The following GOLPH3 variants were observed in gnomAD, a reference collection of about 807,000 sequenced individuals.
GOLPH3 encodes the protein coat protein GPP34.
Under a neutral mutation model 28.5 loss-of-function variants are expected in GOLPH3, and 14 were observed. The ratio of observed to expected loss-of-function variants is 0.49; its 90% CI spans 0.32 to 0.77. The LOEUF is 0.77. GOLPH3 is among the 30% of genes least tolerant of loss of function. GOLPH3 has a pLI of 0.03. For missense variants in GOLPH3, 350 were observed against 393.7 expected (o/e 0.89, Z 0.94); for synonymous variants, 158 against 159.2 (o/e 0.99, Z 0.06).
intron 2 of GOLPH3, among the ~76,000 whole-genome samples, chr5:32,140,033 G>C (rs953172061): frequency 1.3e-5 from 2 of 152,036 alleles, no homozygotes; most frequent in African/African-American, 4.8e-5. Flanking sequence ...GAGGGCAAAA[G>C]ATATCAGAAA....
intron 1 of GOLPH3, among the ~76,000 whole-genome samples, chr5:32,158,019 A>AAAT (rs1554049244): frequency 0.046 from 1,058 of 23,196 alleles, 118 homozygotes; most frequent in African/African-American, 0.11. Flanking sequence ...ATAAATAAAT[A>AAAT]AAATACACAC....
At position 32,143,886 on chromosome 5, in the gene GOLPH3, A is replaced by T. The variant is rs759961282; in HGVS notation, c.226-6T>A. The T allele has an allele frequency of 2.6e-5, 39 of 1,501,594 alleles. 1 individual carries two copies. Among genetic ancestry groups the T allele is most frequent in the Admixed American group, 5.2e-5 (2 of 38,480 alleles). The allele number at this position is 1,501,594 out of a possible 1,614,324, so 93.0% of individuals were successfully genotyped here. On this transcript the variant is annotated splice_region_variant and splice_polypyrimidine_tract_variant and intron_variant, in intron 1 of 3. Coordinates refer to ENST00000265070, the MANE Select transcript of GOLPH3 (RefSeq NM_022130.4). ...TTCCAAAATGATGTGTAACCCTATT[A>T]AAAAAAGAAGAAGAAATAAAACAAA...
chr5:32,163,270 TA>T (rs1309778575), intron 1 of GOLPH3, among the ~76,000 whole-genome samples: 17 of 152,216 alleles, frequency 1.1e-4, no homozygotes, highest in Non-Finnish European at 2.9e-5. Context: ...CATACTCCCA[TA>T]AAAGTTAGTA....
chr5:32,174,007 C>T lies in GOLPH3; in HGVS notation c.28G>A (p.Gly10Ser), dbSNP rs1746916365. 8 of 1,321,638 alleles carry T rather than the reference C, an allele frequency of 6.1e-6. No homozygotes were observed. The highest frequency in any genetic ancestry group is 7.7e-6 in the Non-Finnish European group (8 of 1,045,682). The allele number at this position is 1,321,638 out of a possible 1,614,324, so 81.9% of individuals were successfully genotyped here. The stretch of plus-strand genomic sequence containing the variant: ...GCCTCGGTGCGCCGCTGCACCAGGC[C>T]GGAGCTGCGCTGGGTCAGCGAGGTC... Reference protein sequence around the residue: MTSLTQRSSGLVQRRTEASR... With the variant: MTSLTQRSSSLVQRRTEASR... Residue 10 changes from glycine to serine, a missense_variant, in exon 1 of 4, where the codon GGC (glycine) becomes AGC (serine). Coordinates refer to ENST00000265070, the MANE Select transcript of GOLPH3 (RefSeq NM_022130.4).
At chr5:32,151,232 T>G (rs1746298805) in intron 1 of GOLPH3, among the ~76,000 whole-genome samples, 1 of 151,950 alleles carries the variant, frequency 6.6e-6, no homozygotes, top group African/African-American at 2.4e-5. Context: ...TTTTTTTTTT[T>G]TTAATATTTT....
intron 2 of GOLPH3, among the ~76,000 whole-genome samples, chr5:32,141,846 C>T (rs959960565): frequency 2.0e-5 from 3 of 151,872 alleles, no homozygotes; most frequent in Non-Finnish European, 4.4e-5. Flanking sequence ...GCGAGTGATC[C>T]GCCAGCCTCG....
chr5:32,141,224 T>C (rs1271252731), intron 2 of GOLPH3, among the ~76,000 whole-genome samples: 1 of 151,798 alleles, frequency 6.6e-6, no homozygotes, highest in Non-Finnish European at 1.5e-5. Context: ...TTATTCTCTA[T>C]AGCTTATTAA....
chr5:32,164,228 G>C (rs1347978071), intron 1 of GOLPH3, among the ~76,000 whole-genome samples: 1 of 152,078 alleles, frequency 6.6e-6, no homozygotes, highest in African/African-American at 2.4e-5. Context: ...ATTTTCCATA[G>C]TGACTTATTT....
intron 1 of GOLPH3, among the ~76,000 whole-genome samples, chr5:32,145,108 G>A (rs1238202082): frequency 6.6e-6 from 1 of 152,196 alleles, no homozygotes; most frequent in Non-Finnish European, 1.5e-5. Flanking sequence ...AGAGTAGTGA[G>A]CTTGTGTTTC....
At chr5:32,151,178 T>C (rs529530334) in intron 1 of GOLPH3, among the ~76,000 whole-genome samples, 34 of 151,340 alleles carry the variant, frequency 2.2e-4, no homozygotes, top group Admixed American at 4.0e-4. Context: ...ATATCACAGA[T>C]AAATCTCTAG....
At position 32,126,252 on chromosome 5, in the gene GOLPH3, T is replaced by C. The variant is rs142575457; in HGVS notation, c.857A>G (p.Asn286Ser). Residue 286 changes from asparagine to serine, a missense_variant, in exon 4 of 4, where the codon AAT (asparagine) becomes AGT (serine). By Grantham distance (46) the Asn-to-Ser change is conservative (BLOSUM62 1). Coordinates refer to ENST00000265070, the MANE Select transcript of GOLPH3 (RefSeq NM_022130.4). ...PEVECLKANT[N>S]EVLWAVVAAF... ...CGCCACCACCGCCCACAGAACCTCA[T>C]TGGTGTTGGCCTTCAGACATTCCAC... The C allele has an allele frequency of 1.0e-4, 168 of 1,613,888 alleles. No homozygotes were observed. The East Asian group carries it at 2.0e-3, about 19-fold the overall frequency.
chr5:32,165,665 A>T (rs538172006), intron 1 of GOLPH3, among the ~76,000 whole-genome samples: 14 of 152,254 alleles, frequency 9.2e-5, no homozygotes, highest in Non-Finnish European at 2.9e-5. Flanking sequence ...CACAGAACTA[A>T]AATGAATGAA....
intron 1 of GOLPH3, among the ~76,000 whole-genome samples, chr5:32,163,663 C>CAT (rs150298313): frequency 1.2e-4 from 12 of 102,128 alleles, no homozygotes; most frequent in African/African-American, 4.5e-4. Context: ...AAAATATATA[C>CAT]ATATATATAT....
At chr5:32,158,123 TAAATA>T (rs1746487744) in intron 1 of GOLPH3, among the ~76,000 whole-genome samples, 6 of 86,670 alleles carry the variant, frequency 6.9e-5, no homozygotes, top group African/African-American at 2.0e-4. Context: ...AATAAATAAA[TAAATA>T]AAATACACAC....
intron 1 of GOLPH3, among the ~76,000 whole-genome samples, chr5:32,149,380 G>A (rs1314593771): frequency 6.6e-6 from 1 of 152,204 alleles, no homozygotes; most frequent in Non-Finnish European, 1.5e-5. Context: ...AGAGGTAATG[G>A]CTAAAGGGGA....
At chr5:32,139,685 T>G (rs1351894946) in intron 2 of GOLPH3, among the ~76,000 whole-genome samples, 4 of 152,194 alleles carry the variant, frequency 2.6e-5, no homozygotes, top group African/African-American at 9.7e-5. Context: ...TTATTTAGCT[T>G]CTTTTTTTGG....
intron 1 of GOLPH3, among the ~76,000 whole-genome samples, chr5:32,150,115 A>G (rs528411535): frequency 1.3e-5 from 2 of 152,308 alleles, no homozygotes; most frequent in East Asian, 3.9e-4. Flanking sequence ...ATATAAAATT[A>G]AACACCAGTT....
At chr5:32,173,751 G>A (rs1746906423) in intron 1 of GOLPH3, 59 bp downstream of exon 1, 3 of 1,225,398 alleles carry the variant, frequency 2.4e-6, no homozygotes, top group Non-Finnish European at 3.1e-6. Context: ...CCTACCTGGA[G>A]CTCACCTGGC....
At chr5:32,145,852 G>A (rs1746171626) in intron 1 of GOLPH3, among the ~76,000 whole-genome samples, 1 of 152,140 alleles carries the variant, frequency 6.6e-6, no homozygotes, top group Non-Finnish European at 1.5e-5. Flanking sequence ...GAATGGGAAC[G>A]GACAGTTCTG....
Sources: gnomAD v4.1 joint callset for allele counts (sites outside exome capture counted in the v4.1 genomes callset) on GRCh38, gnomAD v4.1.1 for gene constraint, MANE v1.5 for transcripts, NCBI Gene and HGNC (gene_info 2026-07-23, HGNC 2026-07-21) for gene names.